The following CLEC16A variants were observed in gnomAD, a reference collection of about 807,000 sequenced individuals.
CLEC16A encodes the protein C-type lectin domain containing 16A, also known as protein CLEC16A.
In CLEC16A, 51 loss-of-function variants were observed where a neutral mutation model predicts 109.5. The ratio of observed to expected loss-of-function variants is 0.47; its 90% CI spans 0.37 to 0.59. The LOEUF is 0.59. Among genes scored for constraint, CLEC16A ranks in the 20% least tolerant of loss-of-function variants. The pLI, the probability that CLEC16A is intolerant of heterozygous loss-of-function variation, is 0.00. For synonymous variants in CLEC16A, 673 were observed against 564.2 expected, an observed-to-expected ratio of 1.19 and a Z score of -2.73; for missense variants, 1,339 against 1,394.0, an observed-to-expected ratio of 0.96 and a Z score of 0.63.
In CLEC16A at chr16:10,944,605, C is replaced by A. The variant is rs946376402; in HGVS notation, c.-113C>A. On this transcript the variant is annotated 5_prime_UTR_variant, in exon 1 of 24. Transcript: ENST00000409790. Reference sequence around the variant, plus strand: ...CCGGGGAGGAAGGCGGCTCGCGGTTCCTCCACCGCCTCCGCCGCCGCATCC... The same window carrying A: ...CCGGGGAGGAAGGCGGCTCGCGGTTACTCCACCGCCTCCGCCGCCGCATCC... 7.7e-6 allele frequency: 8 copies of A among 1,033,068 alleles called. No individual in the cohort carries two copies. Among genetic ancestry groups the A allele is most frequent in the Non-Finnish European group, 1.1e-5 (8 of 707,400 alleles). 64.0% of individuals were successfully genotyped at this position (1,033,068 alleles called of 1,614,324 possible).
chr16:10,980,143 T>G (rs1411271158), intron 9 of CLEC16A, among the ~76,000 whole-genome samples: 4 of 152,220 alleles, frequency 2.6e-5, no homozygotes, highest in South Asian at 2.1e-4. Context: ...GGAACTGTCC[T>G]TCTGACTTGA....
intron 19 of CLEC16A, among the ~76,000 whole-genome samples, chr16:11,072,077 G>A (rs755538677): frequency 6.6e-6 from 1 of 152,114 alleles, no homozygotes; most frequent in Non-Finnish European, 1.5e-5. Flanking sequence ...GCAGCCCACT[G>A]TCAACAAGTG....
chr16:11,007,662 C>T (rs868693859), intron 11 of CLEC16A, among the ~76,000 whole-genome samples: 17 of 152,272 alleles, frequency 1.1e-4, no homozygotes, highest in Middle Eastern at 6.8e-3. Context: ...GTGAGGCGCT[C>T]GAACAGCAAT....
chr16:10,958,547 G>T (rs1027990082), intron 2 of CLEC16A, among the ~76,000 whole-genome samples: 1 of 152,158 alleles, frequency 6.6e-6, no homozygotes, highest in Non-Finnish European at 1.5e-5. Flanking sequence ...TCTTTGTCTA[G>T]TGCCTGGTAC....
intron 3 of CLEC16A, among the ~76,000 whole-genome samples, chr16:10,968,467 C>T (rs1567517213): frequency 6.6e-6 from 1 of 152,294 alleles, no homozygotes; most frequent in East Asian, 1.9e-4. Flanking sequence ...CCCTTGGGCC[C>T]TCATCACCCA....
intron 19 of CLEC16A, among the ~76,000 whole-genome samples, chr16:11,084,681 T>C (rs546355171): frequency 9.8e-5 from 15 of 152,298 alleles, no homozygotes; most frequent in African/African-American, 3.6e-4. Flanking sequence ...GCCGGCTATA[T>C]GAGTCATCTC....
intron 19 of CLEC16A, among the ~76,000 whole-genome samples, chr16:11,097,279 G>C (rs916295820): frequency 6.6e-6 from 1 of 152,204 alleles, no homozygotes; most frequent in African/African-American, 2.4e-5. Context: ...TTTTCCTGAT[G>C]AAAATTCACA....
chr16:11,134,378 A>G (rs1208740176), intron 22 of CLEC16A, among the ~76,000 whole-genome samples: 2 of 152,064 alleles, frequency 1.3e-5, no homozygotes, highest in Admixed American at 6.6e-5. Flanking sequence ...CACAAATTCT[A>G]TCCTCCCGAC....
chr16:11,146,541 T>G, intron 22 of CLEC16A, among the ~76,000 whole-genome samples: 1 of 138,936 alleles, frequency 7.2e-6, no homozygotes. Flanking sequence ...GAAGGATGGA[T>G]GGGTATAGAA....
At chr16:11,022,666 A>G (rs908360299) in intron 12 of CLEC16A, among the ~76,000 whole-genome samples, 8 of 152,014 alleles carry the variant, frequency 5.3e-5, no homozygotes, top group Non-Finnish European at 1.0e-4. Flanking sequence ...TTGGGAGGCC[A>G]AGGTGGGCAG....
intron 3 of CLEC16A, among the ~76,000 whole-genome samples, chr16:10,964,108 T>G (rs1460344918): frequency 6.6e-6 from 1 of 152,156 alleles, no homozygotes; most frequent in Non-Finnish European, 1.5e-5. Context: ...AAGTCTGCAG[T>G]GGGCAGAAAG....
intron 19 of CLEC16A, among the ~76,000 whole-genome samples, chr16:11,098,391 C>G (rs1210759381): frequency 6.6e-6 from 1 of 152,356 alleles, no homozygotes; most frequent in East Asian, 1.9e-4. Flanking sequence ...TTCTAAACTG[C>G]TACCAGGTAT....
At chr16:11,150,425 G>A (rs2054248235) in intron 22 of CLEC16A, 1 of 152,220 alleles carries the variant, frequency 6.6e-6, no homozygotes, top group South Asian at 2.1e-4. Flanking sequence ...TCCAAAGCTT[G>A]GCTACTTGCG....
chr16:11,022,762 G>A (rs2152807458), intron 12 of CLEC16A, among the ~76,000 whole-genome samples: 1 of 151,944 alleles, frequency 6.6e-6, no homozygotes, highest in East Asian at 1.9e-4. Flanking sequence ...AGCTGGGCGT[G>A]GTGGCGAGCG....
chr16:10,965,162 G>A (rs1454129554), intron 3 of CLEC16A, among the ~76,000 whole-genome samples: 5 of 152,154 alleles, frequency 3.3e-5, no homozygotes, highest in East Asian at 1.9e-4. Flanking sequence ...TCCTGGCACC[G>A]AAAAGGGTGC....
At chr16:11,108,270 C>T (rs560968545) in intron 19 of CLEC16A, among the ~76,000 whole-genome samples, 2 of 152,368 alleles carry the variant, frequency 1.3e-5, no homozygotes, top group East Asian at 3.9e-4. Context: ...GAGAAACTCT[C>T]AAGGGTAGAA....
At chr16:11,175,085 C>G (rs969472302) in intron 23 of CLEC16A, among the ~76,000 whole-genome samples, 3 of 152,236 alleles carry the variant, frequency 2.0e-5, no homozygotes, top group African/African-American at 4.8e-5. Context: ...CCATCCTTTT[C>G]TTCCCCACAA....
chr16:11,030,557 T>C (rs2046681459), intron 13 of CLEC16A, among the ~76,000 whole-genome samples: 3 of 152,226 alleles, frequency 2.0e-5, no homozygotes, highest in Admixed American at 2.0e-4. Context: ...TACATGTCTT[T>C]GTTAGTGAAG....
intron 19 of CLEC16A, among the ~76,000 whole-genome samples, chr16:11,105,211 G>C (rs183716829): frequency 7.6e-4 from 115 of 152,276 alleles, no homozygotes; most frequent in South Asian, 4.1e-4. Context: ...AGATGAGATC[G>C]TGTCTCTGGC....
Sources: allele counts gnomAD v4.1 joint callset (sites outside exome capture counted in the v4.1 genomes callset), GRCh38; gene constraint gnomAD v4.1.1; transcripts MANE v1.5; gene names NCBI Gene and HGNC (gene_info 2026-07-23, HGNC 2026-07-21).